The following PCDH9 variants were observed in gnomAD, a reference collection of about 807,000 sequenced individuals.
PCDH9 encodes protocadherin 9, also known as protocadherin-9.
PCDH9 carries 24 observed loss-of-function variants against 70.6 expected under a neutral mutation model. The ratio of observed to expected loss-of-function variants is 0.34; its 90% CI spans 0.25 to 0.48. PCDH9 has a LOEUF of 0.48. Ranked by LOEUF, PCDH9 falls within the 20% of genes least tolerant of loss-of-function variation. The pLI is 0.99. For missense variants in PCDH9, 1,281 were observed against 1,503.6 expected (o/e 0.85, Z 2.45); for synonymous variants, 562 against 558.5 (o/e 1.01, Z -0.09).
intron 3 of PCDH9, among the ~76,000 whole-genome samples, chr13:66,747,370 CA>C (rs1281554297): frequency 1.2e-5 from 1 of 82,252 alleles, no homozygotes; most frequent in African/African-American, 3.7e-5. Flanking sequence ...CAAAACAAAA[CA>C]AAACAAAACA....
intron 3 of PCDH9, among the ~76,000 whole-genome samples, chr13:66,778,513 G>T (rs2875502): frequency 6.6e-6 from 1 of 151,844 alleles, no homozygotes; most frequent in Non-Finnish European, 1.5e-5. Context: ...TTACCATGTG[G>T]CCTGTCACAG....
At position 66,489,425 on chromosome 13, in the gene PCDH9, C is replaced by T. The variant is rs548062142; in HGVS notation, c.3340+141785G>A. Among the ~76,000 whole-genome samples the T allele has an allele frequency of 5.9e-5, 9 of 152,270 alleles. 1 individual carries two copies. The East Asian group carries it at 1.5e-3, about 26-fold the overall frequency. On this transcript the variant is annotated intron_variant, in intron 4 of 4. Coordinates refer to ENST00000377865, the MANE Select transcript of PCDH9 (RefSeq NM_203487.3). ...TCCTGGACTCAAGCAAGCCTCCCAC[C>T]TCAGCTTCCTGAGTAGCTGGGACTA... is the stretch of plus-strand genomic sequence containing the variant.
At chr13:67,097,725 G>A (rs1329800936) in intron 2 of PCDH9, among the ~76,000 whole-genome samples, 1 of 151,966 alleles carries the variant, frequency 6.6e-6, no homozygotes, top group African/African-American at 2.4e-5. Context: ...AATTTATGGT[G>A]GGAAAAAGCA....
At chr13:66,425,870 G>C (rs753337042) in intron 4 of PCDH9, among the ~76,000 whole-genome samples, 2 of 151,772 alleles carry the variant, frequency 1.3e-5, no homozygotes, top group African/African-American at 4.8e-5. Context: ...TAGTAAGTGT[G>C]CTATCTGCTG....
intron 4 of PCDH9, among the ~76,000 whole-genome samples, chr13:66,518,718 G>C (rs1392554691): frequency 6.6e-6 from 1 of 152,122 alleles, no homozygotes; most frequent in Admixed American, 6.6e-5. Flanking sequence ...AAATACATGT[G>C]GGGTGGTGGT....
chr13:67,005,690 A>G (rs1404576870), intron 2 of PCDH9, among the ~76,000 whole-genome samples: 1 of 152,232 alleles, frequency 6.6e-6, no homozygotes, highest in Non-Finnish European at 1.5e-5. Context: ...CACAAATAAT[A>G]TGCTTATTTC....
At chr13:66,863,197 G>A (rs1162043775) in intron 3 of PCDH9, among the ~76,000 whole-genome samples, 1 of 152,092 alleles carries the variant, frequency 6.6e-6, no homozygotes, top group Non-Finnish European at 1.5e-5. Flanking sequence ...TTTTAACTCT[G>A]GATCTGTTCT....
intron 3 of PCDH9, among the ~76,000 whole-genome samples, chr13:66,639,995 A>G (rs2077687596): frequency 6.6e-6 from 1 of 152,178 alleles, no homozygotes; most frequent in Non-Finnish European, 1.5e-5. Flanking sequence ...AATATGGAGG[A>G]AAAAACCCAG....
intron 2 of PCDH9, among the ~76,000 whole-genome samples, chr13:67,001,356 AATG>A (rs1415340252): frequency 6.6e-6 from 1 of 151,794 alleles, no homozygotes; most frequent in Non-Finnish European, 1.5e-5. Flanking sequence ...TGTCCTTGAA[AATG>A]ATGTCACCGG....
intron 3 of PCDH9, among the ~76,000 whole-genome samples, chr13:66,877,494 T>C (rs188179863): frequency 6.6e-6 from 1 of 152,078 alleles, no homozygotes; most frequent in Non-Finnish European, 1.5e-5. Flanking sequence ...AACTAGAGAA[T>C]ATGAGCTTAC....
chr13:66,761,396 G>C (rs535258314), intron 3 of PCDH9, among the ~76,000 whole-genome samples: 5 of 152,048 alleles, frequency 3.3e-5, no homozygotes, highest in Admixed American at 3.3e-4. Context: ...TATTTCTCTG[G>C]GTTTGGATAC....
chr13:67,227,202 C>T lies in PCDH9; in HGVS notation c.1239G>A (p.Ala413=), dbSNP rs372255783. 22 of 1,613,006 alleles carry T rather than the reference C, an allele frequency of 1.4e-5. No individual in the cohort carries two copies. The highest frequency in any genetic ancestry group is 1.6e-4 in the Middle Eastern group (1 of 6,084). ...CTAACAAATATTGGTTGTCATATAC[C>T]GCCTTCAAATGAAATGGGACCTCTC... The part of the protein sequence containing the change: ...IEREVPFHLK[A]VYDNQYLLET... The change falls in exon 2 of 5, where the codon GCG becomes GCA. Residue 413 remains alanine (A), a synonymous_variant. Coordinates refer to ENST00000377865, the MANE Select transcript of PCDH9 (RefSeq NM_203487.3). The surrounding 1 kb of genome is among the most constrained non-coding windows in gnomAD (Gnocchi z 4.6).
intron 2 of PCDH9, among the ~76,000 whole-genome samples, chr13:67,009,879 C>T (rs1429811971): frequency 6.6e-6 from 1 of 151,834 alleles, no homozygotes; most frequent in Non-Finnish European, 1.5e-5. Flanking sequence ...ATAGTAAACA[C>T]TATACATTGG....
At position 67,150,154 on chromosome 13, in the gene PCDH9, T is replaced by C. The variant is rs948974050; in HGVS notation, c.3036+75251A>G. 1.2e-4 allele frequency among the ~76,000 whole-genome samples: 18 copies of C among 152,180 alleles called. 1 individual carries two copies. Among genetic ancestry groups the C allele is most frequent in the Admixed American group, 2.6e-4 (4 of 15,276 alleles). ...GTTCAAGTGATTATCCTGCCTCAAC[T>C]TCCCAAGTAGCTGGGATAACAGGCA... On this transcript the variant is annotated intron_variant, in intron 2 of 4. Transcript: ENST00000377865.
chr13:67,145,197 CATG>C (rs2087492144), intron 2 of PCDH9, among the ~76,000 whole-genome samples: 1 of 152,012 alleles, frequency 6.6e-6, no homozygotes, highest in Non-Finnish European at 1.5e-5. Flanking sequence ...ACACATTTTT[CATG>C]ATAAGAGTCC....
chr13:66,895,916 CT>C (rs1373732785), intron 3 of PCDH9, among the ~76,000 whole-genome samples: 1 of 152,188 alleles, frequency 6.6e-6, no homozygotes, highest in Non-Finnish European at 1.5e-5. Context: ...TGCATCACAG[CT>C]GTCAGGCTGA....
intron 2 of PCDH9, among the ~76,000 whole-genome samples, chr13:67,057,751 A>C (rs2138115750): frequency 1.3e-5 from 2 of 152,234 alleles, no homozygotes; most frequent in South Asian, 4.1e-4. Context: ...AATAGACATG[A>C]TACTTAGCTT....
At chr13:67,182,559 T>C (rs922642000) in intron 2 of PCDH9, among the ~76,000 whole-genome samples, 14 of 152,080 alleles carry the variant, frequency 9.2e-5, no homozygotes, top group African/African-American at 3.4e-4. Flanking sequence ...AAAATGAAAA[T>C]CATAGGTCAG....
chr13:67,041,206 G>A (rs2085106870), intron 2 of PCDH9, among the ~76,000 whole-genome samples: 1 of 152,168 alleles, frequency 6.6e-6, no homozygotes, highest in Middle Eastern at 3.2e-3. Flanking sequence ...CATCCCAGGA[G>A]AGATGGCGTG....
Sources: gnomAD v4.1 joint callset for allele counts (sites outside exome capture counted in the v4.1 genomes callset) on GRCh38, gnomAD v4.1.1 for gene constraint, Gnocchi (gnomAD v3.1) non-coding constraint, MANE v1.5 for transcripts, NCBI Gene and HGNC (gene_info 2026-07-23, HGNC 2026-07-21) for gene names.